CENPP: variants seen among roughly 807,000 people sequenced by gnomAD.
The protein encoded by CENPP is centromere protein P.
Under a neutral mutation model 35.6 loss-of-function variants are expected in CENPP, and 24 were observed. The ratio of observed to expected loss-of-function variants is 0.67; its 90% CI spans 0.49 to 0.95. The LOEUF (loss-of-function observed/expected upper bound fraction) is 0.95. Ranked by LOEUF, CENPP falls within the 40% of genes least tolerant of loss-of-function variation. The probability of loss-of-function intolerance (pLI) is 0.00; values close to 1 mark genes in which losing one functional copy is unlikely to be tolerated. For synonymous variants in CENPP, 120 were observed against 125.5 expected, an observed-to-expected ratio of 0.96 and a Z score of 0.29; for missense variants, 332 against 345.3, an observed-to-expected ratio of 0.96 and a Z score of 0.31.
At chr9:92,542,527 G>T (rs191095546) in intron 5 of CENPP, among the ~76,000 whole-genome samples, 1 of 149,598 alleles carries the variant, frequency 6.7e-6, no homozygotes, top group Non-Finnish European at 1.5e-5. Context: ...TTTTGAGATG[G>T]AGTCTCGCTC....
At chr9:92,541,265 A>C (rs1849311982) in intron 5 of CENPP, among the ~76,000 whole-genome samples, 1 of 152,158 alleles carries the variant, frequency 6.6e-6, no homozygotes. Flanking sequence ...TCTCAAAATA[A>C]AATAAAATAA....
chr9:92,502,445 A>G, intron 5 of CENPP: 3 of 1,562,398 alleles, frequency 1.9e-6, no homozygotes, highest in Non-Finnish European at 1.8e-6. Context: ...CCCAGTTTCC[A>G]TACTCTGTTT....
At chr9:92,578,369 T>C (rs374132911) in intron 5 of CENPP, among the ~76,000 whole-genome samples, 29 of 152,286 alleles carry the variant, frequency 1.9e-4, no homozygotes, top group East Asian at 1.7e-3. Flanking sequence ...CCTGAGGAAT[T>C]GCCACACTGA....
intron 5 of CENPP, among the ~76,000 whole-genome samples, chr9:92,436,122 ATTACTGTAG>A (rs1237414081): frequency 5.9e-5 from 9 of 152,186 alleles, no homozygotes; most frequent in African/African-American, 1.9e-4. Context: ...GTAGTGATAT[ATTACTGTAG>A]TTTTAATTTG....
intron 5 of CENPP, among the ~76,000 whole-genome samples, chr9:92,529,747 T>A (rs1848634301): frequency 6.6e-6 from 1 of 152,268 alleles, no homozygotes. Flanking sequence ...TCTATGACAT[T>A]CTAGAAAGGG....
intron 4 of CENPP, among the ~76,000 whole-genome samples, chr9:92,367,407 T>G (rs1018578032): frequency 6.6e-6 from 1 of 152,080 alleles, no homozygotes; most frequent in African/African-American, 2.4e-5. Context: ...TCTTAGGTGA[T>G]CTGTCCACCT....
At chr9:92,464,718 A>T (rs1246387718) in intron 5 of CENPP, 12 of 666,972 alleles carry the variant, frequency 1.8e-5, no homozygotes, top group Admixed American at 4.1e-5. Context: ...TTAGTGGAGT[A>T]AAAAAAATTG....
At chr9:92,415,426 T>C (rs1257555909) in intron 5 of CENPP, 1 of 1,613,508 alleles carries the variant, frequency 6.2e-7, no homozygotes, top group East Asian at 2.2e-5. Flanking sequence ...GTATGTTAAA[T>C]GGTGGTAATG....
intron 5 of CENPP, among the ~76,000 whole-genome samples, chr9:92,545,521 T>G (rs1849415954): frequency 8.0e-6 from 1 of 125,730 alleles, no homozygotes; most frequent in Admixed American, 7.9e-5. Context: ...CCGCCAAGAC[T>G]GAGCCTCCCG....
At chr9:92,422,054 CT>C (rs58510878) in intron 5 of CENPP, among the ~76,000 whole-genome samples, 144 of 146,002 alleles carry the variant, frequency 9.9e-4, no homozygotes, top group African/African-American at 1.0e-3. Context: ...AACATATTAA[CT>C]TTTTTTTTTT....
rs186840279 is a variant in CENPP at position 92,449,394 on chromosome 9, C to T, written c.564+69535C>T. 4.3e-3 allele frequency among the ~76,000 whole-genome samples: 532 copies of T among 122,836 alleles called. 4 individuals are homozygous for T. Among genetic ancestry groups the T allele is most frequent in the African/African-American group, 0.015 (501 of 33,408 alleles). 80.6% of individuals were successfully genotyped at this position (122,836 alleles called of 152,430 possible). ...CAGAGCTTGCAGTGAGCCAAGATTG[C>T]ACCACTGCACTCCAGCCTGGGTGAT... On this transcript the variant is annotated intron_variant, in intron 5 of 7. Transcript: ENST00000375587.
intron 4 of CENPP, among the ~76,000 whole-genome samples, chr9:92,363,042 C>G (rs1479679630): frequency 6.6e-6 from 1 of 152,096 alleles, no homozygotes; most frequent in African/African-American, 2.4e-5. Flanking sequence ...AAAAGATTTT[C>G]CAGGCTCACA....
chr9:92,346,730 A>G (rs556946984), intron 4 of CENPP, among the ~76,000 whole-genome samples: 43 of 152,304 alleles, frequency 2.8e-4, no homozygotes, highest in African/African-American at 9.9e-4. Context: ...TTCAGGCAAG[A>G]GAAGTTTGTA....
intron 5 of CENPP, chr9:92,416,664 G>A (rs935968792): frequency 2.5e-6 from 4 of 1,604,642 alleles, no homozygotes. Flanking sequence ...AAATTTCTTG[G>A]AATATAGAAT....
intron 5 of CENPP, among the ~76,000 whole-genome samples, chr9:92,431,726 C>T (rs1035174529): frequency 2.6e-5 from 4 of 152,094 alleles, no homozygotes; most frequent in Admixed American, 1.3e-4. Flanking sequence ...AGGCGCCTGC[C>T]ACCACGCCTG....
At chr9:92,472,662 AAATAAT>A (rs1564340719) in intron 5 of CENPP, among the ~76,000 whole-genome samples, 1 of 152,274 alleles carries the variant, frequency 6.6e-6, no homozygotes. Context: ...TGTCTCAAAA[AAATAAT>A]AATAATACTA....
intron 5 of CENPP, among the ~76,000 whole-genome samples, chr9:92,441,313 A>G (rs1453964702): frequency 6.6e-6 from 1 of 152,238 alleles, no homozygotes; most frequent in Non-Finnish European, 1.5e-5. Context: ...ATGCAGACAG[A>G]GGAATATGTT....
Position 92,618,677 on chromosome 9 carries a change from T to C in CENPP, c.*5528T>C. ...TTTCAACTAAATAGAACAACCTTTT[T>C]TCTACTTCAGTTAGCCCTATAATGT... On this transcript the variant is annotated 3_prime_UTR_variant, in exon 8 of 8. Coordinates refer to ENST00000375587, the MANE Select transcript of CENPP (RefSeq NM_001012267.3). 1 of 411,896 alleles carries C rather than the reference T, an allele frequency of 2.4e-6. No homozygotes were observed. The highest frequency in any genetic ancestry group is 1.8e-5 in the South Asian group (1 of 56,330). 25.5% of individuals were successfully genotyped at this position (411,896 alleles called of 1,614,324 possible).
chr9:92,385,860 A>G (rs1842398272), intron 5 of CENPP: 2 of 1,460,230 alleles, frequency 1.4e-6, no homozygotes, highest in Non-Finnish European at 1.9e-6. Context: ...ATAATGGGTA[A>G]AGGAAACCTA....
Sources: gnomAD v4.1 joint callset for allele counts (sites outside exome capture counted in the v4.1 genomes callset) on GRCh38, gnomAD v4.1.1 for gene constraint, MANE v1.5 for transcripts, NCBI Gene and HGNC (gene_info 2026-07-23, HGNC 2026-07-21) for gene names.